Variants in LRP4 observed in about 807,000 individuals in gnomAD.
The protein encoded by LRP4 is low-density lipoprotein receptor-related protein 4.
In LRP4, 95 loss-of-function variants were observed where a neutral mutation model predicts 220.3. That is an observed-to-expected ratio of 0.43 (90% confidence interval 0.37 to 0.51). The LOEUF (loss-of-function observed/expected upper bound fraction) is 0.51. LRP4 is among the 20% of genes least tolerant of loss of function. The pLI is 0.00. For missense variants in LRP4, 1,925 were observed against 2,567.0 expected, an observed-to-expected ratio of 0.75 and a Z score of 5.40; for synonymous variants, 903 against 954.6, an observed-to-expected ratio of 0.95 and a Z score of 1.00.
chr11:46,890,610 C>A lies in LRP4; in HGVS notation c.1698-116G>T. The A allele has an allele frequency of 1.4e-6, 1 of 739,800 alleles. No homozygotes were observed. Among genetic ancestry groups the A allele is most frequent in the South Asian group, 1.6e-5 (1 of 63,878 alleles). 45.8% of individuals were successfully genotyped at this position (739,800 alleles called of 1,614,324 possible). A position where few individuals can be genotyped will look rare whatever the true frequency, so the allele number is the denominator to read the frequency against. On this transcript the variant is annotated intron_variant, in intron 13 of 37. Coordinates refer to ENST00000378623, the MANE Select transcript of LRP4 (RefSeq NM_002334.4). This position sits in a 1 kb window ranked among gnomAD's most constrained non-coding sequence, Gnocchi z 5.3. ...ACTCAGGGGACTCCAATGTTTGGTC[C>A]ACAGAATGAATTTTTTTTTTAGACG...
chr11:46,877,225 A>G lies in LRP4; in HGVS notation c.3251T>C (p.Ile1084Thr), dbSNP rs1941044227. 1 of 1,613,844 alleles carries G rather than the reference A, an allele frequency of 6.2e-7. No individual in the cohort carries two copies. The highest frequency in any genetic ancestry group is 1.1e-5 in the South Asian group (1 of 91,068). ...VPINITMKNT[I>T]AIGVDPQEGK... is the part of the protein sequence containing the mutation. ...TTCCTGGGGGTCTACTCCAATGGCA[A>G]TGGTGTTCTTCATGGTAATGTTGAT... Residue 1084 changes from isoleucine (I) to threonine (T), a missense_variant, in exon 23 of 38, where the codon ATT (isoleucine) becomes ACT (threonine). Ile to Thr is a moderately conservative substitution (Grantham distance 89). Coordinates refer to ENST00000378623, the MANE Select transcript of LRP4 (RefSeq NM_002334.4).
chr11:46,896,066 C>T, intron 9 of LRP4, 48 bp from the exon 10 acceptor site: 1 of 1,613,580 alleles, frequency 6.2e-7, no homozygotes, highest in Non-Finnish European at 8.5e-7. Flanking sequence ...AATCCTCCCC[C>T]AGAGAGCCAA....
chr11:46,905,625 C>A (rs1236722074), intron 1 of LRP4, among the ~76,000 whole-genome samples: 1 of 151,978 alleles, frequency 6.6e-6, no homozygotes. Flanking sequence ...CCCAGGTGGG[C>A]GGATCACCTG....
intron 8 of LRP4, 147 bp from the exon 9 acceptor site, chr11:46,896,482 G>T: frequency 1.0e-6 from 1 of 965,882 alleles, no homozygotes; most frequent in Non-Finnish European, 1.6e-6. Flanking sequence ...CTCAGACAGG[G>T]CTGGCTGAAT....
intron 34 of LRP4, among the ~76,000 whole-genome samples, chr11:46,866,638 G>A (rs1234905238): frequency 6.6e-6 from 1 of 151,822 alleles, no homozygotes; most frequent in Non-Finnish European, 1.5e-5. Flanking sequence ...AGAATTTTTT[G>A]CCAGGTGCAG....
chr11:46,875,839 T>C lies in LRP4; in HGVS notation c.3664A>G (p.Ser1222Gly). Reference protein sequence around the residue: ...WPNGLTVDKASSQLLWADAHT... With the variant: ...WPNGLTVDKAGSQLLWADAHT... ...GCATCGGCCCATAGCAGTTGGGAGCTGGCCTTGTCCACAGTCAGTCCATTG... is the reference window on the plus strand; with the variant it reads ...GCATCGGCCCATAGCAGTTGGGAGCCGGCCTTGTCCACAGTCAGTCCATTG... Residue 1222 changes from serine to glycine, a missense_variant, in exon 26 of 38, where the codon AGC becomes GGC. By Grantham distance (56) the Ser-to-Gly change is moderately conservative. Coordinates refer to ENST00000378623, the MANE Select transcript of LRP4 (RefSeq NM_002334.4). The surrounding 1 kb of genome is among the most constrained non-coding windows in gnomAD (Gnocchi z 4.5). 1 of 1,614,116 alleles carries C rather than the reference T, an allele frequency of 6.2e-7. No individual in the cohort carries two copies. Among genetic ancestry groups the C allele is most frequent in the Non-Finnish European group, 8.5e-7 (1 of 1,180,014 alleles).
intron 19 of LRP4, 42 bp downstream of exon 19, chr11:46,883,829 G>A (rs979867072): frequency 1.4e-6 from 2 of 1,434,376 alleles, no homozygotes; most frequent in Middle Eastern, 3.8e-4. Context: ...TCAGATCTTG[G>A]GAGGGGTGGA....
chr11:46,916,519 C>T (rs1247611777), intron 1 of LRP4, among the ~76,000 whole-genome samples: 7 of 152,018 alleles, frequency 4.6e-5, no homozygotes, highest in African/African-American at 1.7e-4. Context: ...TAGACATACG[C>T]AATTCTCTCC....
intron 20 of LRP4, among the ~76,000 whole-genome samples, chr11:46,880,566 T>C (rs1941131006): frequency 6.6e-6 from 1 of 152,010 alleles, no homozygotes; most frequent in African/African-American, 2.4e-5. Flanking sequence ...GCAGTTACAG[T>C]GGGCCATGTT....
At chr11:46,859,458 A>T (rs1382237563) in intron 37 of LRP4, 143 bp from the exon 38 acceptor site, 1 of 716,606 alleles carries the variant, frequency 1.4e-6, no homozygotes, top group Non-Finnish European at 2.5e-6. Context: ...AATGTGATTA[A>T]GACAAGTGTA....
At position 46,886,389 on chromosome 11, in the gene LRP4, A is replaced by C; in HGVS notation, c.2360T>G (p.Val787Gly). The change falls in exon 17 of 38, where the codon GTG becomes GGG. Residue 787 changes from valine to glycine, a missense_variant. Val to Gly is a moderately radical substitution (Grantham distance 109). Coordinates refer to ENST00000378623, the MANE Select transcript of LRP4 (RefSeq NM_002334.4). ...ALDWDSRDDH[V>G]YWTDVSTDTI... ...ATCAGTGCTGACATCTGTCCAGTAC[A>C]CGTGGTCATCCCGGGAGTCCCAGTC... The C allele has an allele frequency of 1.2e-6, 2 of 1,611,148 alleles. No individual in the cohort carries two copies. Among genetic ancestry groups the C allele is most frequent in the Non-Finnish European group, 1.7e-6 (2 of 1,178,586 alleles).
rs1336266220 is a variant in LRP4 at position 46,895,926 on chromosome 11, G to A, written c.1141C>T (p.His381Tyr). Reference protein sequence around the residue: ...MVRGAVQCTCHTGYRLTEDGH... With the variant: ...MVRGAVQCTCYTGYRLTEDGH... The stretch of plus-strand genomic sequence containing the variant: ...TCCTCTGTGAGCCGGTAGCCTGTGT[G>A]GCAGGTACACTGCACTGCCCCCCGC... Residue 381 changes from histidine (H) to tyrosine (Y), a missense_variant, in exon 10 of 38, where the codon CAC becomes TAC. Physicochemically the swap from His to Tyr is moderately conservative, Grantham distance 83. Transcript: ENST00000378623. The A allele has an allele frequency of 6.2e-7, 1 of 1,613,914 alleles. No homozygotes were observed. The highest frequency in any genetic ancestry group is 1.1e-5 in the South Asian group (1 of 91,082).
At chr11:46,884,681 G>A (rs1255445447) in intron 18 of LRP4, among the ~76,000 whole-genome samples, 1 of 145,486 alleles carries the variant, frequency 6.9e-6, no homozygotes, top group Non-Finnish European at 1.5e-5. Flanking sequence ...AGCTTGCAGT[G>A]AGCCGAGATC....
chr11:46,909,071 C>T (rs527333849), intron 1 of LRP4, among the ~76,000 whole-genome samples: 1 of 152,224 alleles, frequency 6.6e-6, no homozygotes, highest in Admixed American at 6.5e-5. Context: ...GTAAGCTTTC[C>T]GGGTGACACC....
chr11:46,896,364 A>C, intron 8 of LRP4, 29 bp from the exon 9 acceptor site: 1 of 1,611,224 alleles, frequency 6.2e-7, no homozygotes, highest in Non-Finnish European at 8.5e-7. Flanking sequence ...AGGTCATAGC[A>C]AGGCAGGGCT....
intron 16 of LRP4, among the ~76,000 whole-genome samples, chr11:46,888,564 A>AAAAAAAAAAAAAAAAAAAAC: frequency 7.5e-6 from 1 of 133,990 alleles, no homozygotes; most frequent in Non-Finnish European, 1.5e-5. Flanking sequence ...AAAAAAAAAA[A>AAAAAAAAAAAAAAAAAAAAC]AAAAAAAAAG....
chr11:46,901,389 C>T (rs1038732329), intron 2 of LRP4, among the ~76,000 whole-genome samples: 4 of 152,206 alleles, frequency 2.6e-5, no homozygotes, highest in Non-Finnish European at 5.9e-5. Context: ...AAGTCATTTA[C>T]CCTCTCTGAG....
chr11:46,866,394 A>G (rs1940701712), intron 34 of LRP4, among the ~76,000 whole-genome samples: 1 of 151,244 alleles, frequency 6.6e-6, no homozygotes, highest in Non-Finnish European at 1.5e-5. Context: ...AATCCTCCCA[A>G]CCTCAGCCTC....
At chr11:46,877,409 C>A (rs1212552489) in intron 22 of LRP4, 70 bp from the exon 23 acceptor site, 1 of 1,515,348 alleles carries the variant, frequency 6.6e-7, no homozygotes, top group Non-Finnish European at 9.1e-7. Flanking sequence ...ATCAGGCAAA[C>A]TGAAACTCAT....
Sources: gnomAD v4.1 joint callset for allele counts (sites outside exome capture counted in the v4.1 genomes callset) on GRCh38, gnomAD v4.1.1 for gene constraint, Gnocchi (gnomAD v3.1) non-coding constraint, MANE v1.5 for transcripts, NCBI Gene and HGNC (gene_info 2026-07-23, HGNC 2026-07-21) for gene names.